Variants in SMARCAD1 observed in about 807,000 individuals in gnomAD.
SMARCAD1 encodes the protein SNF2 related chromatin remodeling ATPase with DExD box 1, also known as SWI/SNF-related matrix-associated actin-dependent regulator of chromatin subfamily A containing DEAD/H box 1.
SMARCAD1 carries 25 observed loss-of-function variants against 127.1 expected under a neutral mutation model. The ratio of observed to expected loss-of-function variants is 0.20; its 90% CI spans 0.14 to 0.27. The LOEUF (loss-of-function observed/expected upper bound fraction) is 0.27, where lower values mean the gene tolerates loss of function less well. SMARCAD1 is among the 10% of genes least tolerant of loss of function. The pLI is 1.00. For missense variants in SMARCAD1, 807 were observed against 1,206.0 expected (o/e 0.67, Z 4.90); for synonymous variants, 400 against 396.9 (o/e 1.01, Z -0.09).
chr4:94,247,323 C>G (rs1748589192), intron 6 of SMARCAD1, among the ~76,000 whole-genome samples: 1 of 152,024 alleles, frequency 6.6e-6, no homozygotes, highest in Non-Finnish European at 1.5e-5. Context: ...AGATACAGTC[C>G]CAAATTTTAT....
intron 9 of SMARCAD1, among the ~76,000 whole-genome samples, chr4:94,262,530 A>G (rs1751155838): frequency 1.3e-5 from 2 of 152,186 alleles, no homozygotes; most frequent in South Asian, 4.2e-4. Context: ...AACTCTCTAA[A>G]ACCCTTCAAT....
chr4:94,224,506 A>G (rs1463726489), intron 2 of SMARCAD1, among the ~76,000 whole-genome samples: 1 of 152,224 alleles, frequency 6.6e-6, no homozygotes, highest in Non-Finnish European at 1.5e-5. Context: ...AAGTTTTTAC[A>G]GCATTTTTGA....
intron 6 of SMARCAD1, among the ~76,000 whole-genome samples, chr4:94,247,607 C>T (rs1466423233): frequency 2.6e-5 from 4 of 152,178 alleles, no homozygotes; most frequent in African/African-American, 9.6e-5. Context: ...GTGTTGTATA[C>T]CATCATTCCT....
chr4:94,211,591 A>G (rs79865115), intron 2 of SMARCAD1, among the ~76,000 whole-genome samples: 1,597 of 152,324 alleles, frequency 0.01, 25 homozygotes, highest in African/African-American at 0.036. Flanking sequence ...CAGAAATTGT[A>G]TGTAGTCAAA....
At chr4:94,222,270 G>A (rs1023739496) in intron 2 of SMARCAD1, among the ~76,000 whole-genome samples, 1 of 152,286 alleles carries the variant, frequency 6.6e-6, no homozygotes, top group South Asian at 2.1e-4. Flanking sequence ...ATGTTAATAT[G>A]TGAAATGTTT....
intron 4 of SMARCAD1, among the ~76,000 whole-genome samples, chr4:94,236,061 G>A (rs1306661320): frequency 6.6e-6 from 1 of 152,026 alleles, no homozygotes; most frequent in Admixed American, 6.6e-5. Context: ...CCATGTAAAA[G>A]AATTCAAGAG....
chr4:94,211,280 A>C (rs895798230), intron 2 of SMARCAD1, among the ~76,000 whole-genome samples: 1 of 152,214 alleles, frequency 6.6e-6, no homozygotes, highest in South Asian at 2.1e-4. Context: ...GTCAAAATAA[A>C]TAAATAAATA....
At chr4:94,234,395 G>C (rs889457850) in intron 4 of SMARCAD1, among the ~76,000 whole-genome samples, 1 of 152,136 alleles carries the variant, frequency 6.6e-6, no homozygotes, top group Non-Finnish European at 1.5e-5. Flanking sequence ...TTTCTAAAAT[G>C]CATAACCTCC....
intron 2 of SMARCAD1, among the ~76,000 whole-genome samples, chr4:94,220,772 A>T (rs1027726262): frequency 6.6e-6 from 1 of 152,260 alleles, no homozygotes; most frequent in Non-Finnish European, 1.5e-5. Context: ...TCTAGTAGTC[A>T]ATGTATTCTT....
chr4:94,269,317 G>A (rs1752192775), intron 10 of SMARCAD1, among the ~76,000 whole-genome samples: 1 of 152,176 alleles, frequency 6.6e-6, no homozygotes, highest in African/African-American at 2.4e-5. Flanking sequence ...TATGCAAGAG[G>A]AGATTAAGGG....
At chr4:94,227,354 T>TA (rs1745184786) in intron 3 of SMARCAD1, among the ~76,000 whole-genome samples, 1 of 152,072 alleles carries the variant, frequency 6.6e-6, no homozygotes, top group Admixed American at 6.5e-5. Flanking sequence ...AACAGAGAGG[T>TA]AAAATTATCT....
At chr4:94,219,908 C>T (rs1168515835) in intron 2 of SMARCAD1, among the ~76,000 whole-genome samples, 1 of 152,300 alleles carries the variant, frequency 6.6e-6, no homozygotes, top group South Asian at 2.1e-4. Context: ...ATGCCTTAAA[C>T]ACAGACAATA....
chr4:94,261,439 G>T (rs930939690), intron 9 of SMARCAD1, among the ~76,000 whole-genome samples: 2 of 152,102 alleles, frequency 1.3e-5, no homozygotes, highest in African/African-American at 4.8e-5. Context: ...ACCTCTCCAT[G>T]TGTTTCTGGC....
chr4:94,219,799 A>G (rs1743808704), intron 2 of SMARCAD1, among the ~76,000 whole-genome samples: 1 of 152,206 alleles, frequency 6.6e-6, no homozygotes, highest in Non-Finnish European at 1.5e-5. Flanking sequence ...TGCTTATAAC[A>G]TAGTTACTCA....
chr4:94,259,392 A>T (rs1750616805), intron 9 of SMARCAD1, among the ~76,000 whole-genome samples: 1 of 152,186 alleles, frequency 6.6e-6, no homozygotes, highest in African/African-American at 2.4e-5. Context: ...TTTCCTTTAA[A>T]AAACTGTCTA....
At chr4:94,288,882 A>G (rs1457254714) in intron 23 of SMARCAD1, among the ~76,000 whole-genome samples, 1 of 152,212 alleles carries the variant, frequency 6.6e-6, no homozygotes, top group African/African-American at 2.4e-5. Context: ...AAAGAGATTT[A>G]GAAAATCTCA....
intron 23 of SMARCAD1, among the ~76,000 whole-genome samples, chr4:94,287,124 C>T (rs1274086863): frequency 1.3e-5 from 2 of 152,172 alleles, no homozygotes; most frequent in Non-Finnish European, 2.9e-5. Context: ...CTGGCCTCTC[C>T]TTACCACTTT....
intron 4 of SMARCAD1, among the ~76,000 whole-genome samples, chr4:94,235,581 T>C (rs1369812267): frequency 6.6e-6 from 1 of 151,910 alleles, no homozygotes; most frequent in Non-Finnish European, 1.5e-5. Flanking sequence ...AATGAAACTT[T>C]AGTGATATCT....
intron 2 of SMARCAD1, among the ~76,000 whole-genome samples, chr4:94,222,855 T>G (rs1436567463): frequency 6.6e-6 from 1 of 151,892 alleles, no homozygotes; most frequent in African/African-American, 2.4e-5. Context: ...TCCCAGCTAC[T>G]TGGGAGGCTG....
Sources: gnomAD v4.1 joint callset for allele counts (sites outside exome capture counted in the v4.1 genomes callset) on GRCh38, gnomAD v4.1.1 for gene constraint, MANE v1.5 for transcripts, NCBI Gene and HGNC (gene_info 2026-07-23, HGNC 2026-07-21) for gene names.